Variants in UBN2 observed in about 807,000 individuals in gnomAD.
The protein encoded by UBN2 is ubinuclein 2.
UBN2 carries 35 observed loss-of-function variants against 120.2 expected under a neutral mutation model. The ratio of observed to expected loss-of-function variants is 0.29; its 90% confidence interval spans 0.22 to 0.39. UBN2 has a LOEUF of 0.39. Among genes scored for constraint, UBN2 ranks in the 10% least tolerant of loss-of-function variants. The probability of loss-of-function intolerance (pLI) is 1.00; values close to 1 mark genes in which losing one functional copy is unlikely to be tolerated. For synonymous variants in UBN2, 661 were observed against 648.7 expected (o/e 1.02, Z -0.29); for missense variants, 1,693 against 1,663.2 (o/e 1.02, Z -0.31).
At chr7:139,279,527 T>A (rs987319018) in intron 13 of UBN2, among the ~76,000 whole-genome samples, 167 bp downstream of exon 13, 4 of 152,254 alleles carry the variant, frequency 2.6e-5, no homozygotes, top group African/African-American at 9.6e-5. Context: ...GAGAATAGAT[T>A]CCTGTGTAGC....
intron 17 of UBN2, among the ~76,000 whole-genome samples, chr7:139,297,453 T>C (rs1237622714): frequency 2.0e-5 from 3 of 151,984 alleles, no homozygotes; most frequent in Non-Finnish European, 2.9e-5. Flanking sequence ...CCCTCGGAGG[T>C]AGGAATTGTG....
rs541522835 is a variant in UBN2, at chr7:139,285,229, G to A, written c.3669+655G>A. On this transcript the variant is annotated intron_variant, in intron 15 of 17. Transcript: ENST00000473989. ...AGCAATCTTTTCAAGAAGGGTAGCC[G>A]GGCATGGTGGCTCGTGTCTGTAATA... 7.9e-5 allele frequency among the ~76,000 whole-genome samples: 12 copies of A among 152,162 alleles called. No homozygotes were observed. In the South Asian group the frequency reaches 1.2e-3, roughly 16 times the overall value.
rs1389244173 is a variant in UBN2, at chr7:139,293,494, G to A, written c.3901+31G>A. ...TGGGGCTCTTCTATTTGGTTGGGCT[G>A]TCTAGCTTGACAGAACAGGAAACCT... is the stretch of plus-strand genomic sequence containing the variant. On this transcript the variant is annotated intron_variant, in intron 16 of 17. Transcript: ENST00000473989. 13 of 1,591,260 alleles carry A rather than the reference G, an allele frequency of 8.2e-6. No homozygotes were observed. In the Admixed American group the frequency reaches 1.3e-4, roughly 16 times the overall value.
chr7:139,313,849 ATT>A, the UBN2 span, among the ~76,000 whole-genome samples: 1,252 of 143,464 alleles, frequency 8.7e-3, 21 homozygotes, highest in African/African-American at 0.03. Context: ...CAATGACAGA[ATT>A]TTTTTTTTTT....
the UBN2 span, among the ~76,000 whole-genome samples, chr7:139,316,228 A>G: frequency 6.6e-6 from 1 of 151,906 alleles, no homozygotes; most frequent in Admixed American, 6.6e-5. Context: ...GAATTTTTGT[A>G]ATAACTAATA....
intron 5 of UBN2, among the ~76,000 whole-genome samples, chr7:139,260,185 A>G (rs1796887906): frequency 6.6e-6 from 1 of 151,858 alleles, no homozygotes; most frequent in African/African-American, 2.4e-5. Context: ...TGCAGCCTCA[A>G]CCTCCTGGGA....
chr7:139,282,025 T>G lies in UBN2; in HGVS notation c.2088T>G (p.Leu696=). 6.2e-7 allele frequency: 1 copy of G among 1,613,430 alleles called. No homozygotes were observed. Among genetic ancestry groups the G allele is most frequent in the Non-Finnish European group, 8.5e-7 (1 of 1,179,538 alleles). The change falls in exon 14 of 18, where the codon CTT becomes CTG. Residue 696 remains leucine, a synonymous_variant. Coordinates refer to ENST00000473989, the MANE Select transcript of UBN2 (RefSeq NM_173569.4). ...CTTAGGAGGTGATGGTAAAGACCCT[T>G]CCTCTCCATTCTTTCCCCACTATGC... The part of the protein sequence containing the change: ...PKVKEVMVKT[L]PLHSFPTMLK...
chr7:139,272,494 TTATGTATGTATGTATGTATG>T lies in UBN2; in HGVS notation c.1715+82_1715+101del, dbSNP rs142378700. 1.3e-3 allele frequency: 1,447 copies of T among 1,105,072 alleles called. 11 individuals are homozygous for T. Among genetic ancestry groups the T allele is most frequent in the South Asian group, 5.4e-3 (353 of 65,568 alleles). 68.5% of individuals were successfully genotyped at this position (1,105,072 alleles called of 1,614,324 possible). On this transcript the variant is annotated intron_variant, in intron 9 of 17. Transcript: ENST00000473989. ...TTTGCATTTGAGAAGTGTATGTACG[TTATGTATGTATGTATGTATG>T]TATGTATGTATGTATGTATGTATGT...
intron 3 of UBN2, among the ~76,000 whole-genome samples, chr7:139,257,692 A>G (rs1184630587): frequency 6.6e-6 from 1 of 152,080 alleles, no homozygotes; most frequent in South Asian, 2.1e-4. Context: ...CTGAGATTAT[A>G]GGCGTGAGCC....
In UBN2 at chr7:139,239,280, C is replaced by CT. The variant is rs1418849688; in HGVS notation, c.561+2191dup. 4.0e-5 allele frequency among the ~76,000 whole-genome samples: 6 copies of CT among 151,858 alleles called. No homozygotes were observed. The East Asian group carries it at 5.8e-4, about 15-fold the overall frequency. On this transcript the variant is annotated intron_variant, in intron 2 of 17. Coordinates refer to ENST00000473989, the MANE Select transcript of UBN2 (RefSeq NM_173569.4). ...TATCAGGACAAAGTGCTTTCTCTCC[C>CT]TTTTTTTTAAGGCTGCATGCTGTTT...
intron 1 of UBN2, among the ~76,000 whole-genome samples, chr7:139,232,933 A>C (rs759951406): frequency 9.9e-5 from 15 of 152,178 alleles, no homozygotes; most frequent in Non-Finnish European, 1.9e-4. Flanking sequence ...AAAGGAAATG[A>C]TAGATTAACA....
chr7:139,271,360 G>A (rs1235466916), intron 8 of UBN2, among the ~76,000 whole-genome samples: 1 of 152,104 alleles, frequency 6.6e-6, no homozygotes, highest in East Asian at 1.9e-4. Context: ...GCCGAGGCAG[G>A]CAGATCACTT....
the UBN2 span, among the ~76,000 whole-genome samples, chr7:139,318,042 G>T: frequency 6.6e-6 from 1 of 152,118 alleles, no homozygotes; most frequent in Non-Finnish European, 1.5e-5. Context: ...CTGTGCCACT[G>T]CTTGTTCCTC....
rs746499200 is a variant in UBN2, at chr7:139,231,840, C to T, written c.356C>T (p.Pro119Leu). ...PRESASRAEQ[P>L]PRPPRETVRL... ...GAGTCGGCTTCCCGGGCTGAGCAGC[C>T]GCCGCGGCCGCCGAGGGAGACGGTG... The change falls in exon 1 of 18, where the codon CCG (proline) becomes CTG (leucine). Residue 119 changes from proline to leucine, a missense_variant. Coordinates refer to ENST00000473989, the MANE Select transcript of UBN2 (RefSeq NM_173569.4). 3.3e-6 allele frequency: 5 copies of T among 1,534,978 alleles called. No homozygotes were observed. The highest frequency in any genetic ancestry group is 1.4e-5 in the African/African-American group (1 of 70,032).
intron 2 of UBN2, among the ~76,000 whole-genome samples, chr7:139,250,964 C>T (rs988113995): frequency 2.6e-5 from 4 of 151,802 alleles, no homozygotes; most frequent in Non-Finnish European, 5.9e-5. Context: ...AAAAATTAGC[C>T]GGGCTTTGAG....
chr7:139,249,930 G>T (rs1200041011), intron 2 of UBN2, among the ~76,000 whole-genome samples: 1 of 151,914 alleles, frequency 6.6e-6, no homozygotes, highest in Non-Finnish European at 1.5e-5. Flanking sequence ...CAAACTCCTG[G>T]GCTCTCGCAA....
At chr7:139,312,626 T>C (rs1450017224), downstream of UBN2, among the ~76,000 whole-genome samples, 2 of 152,246 alleles carry the variant, frequency 1.3e-5, no homozygotes, top group African/African-American at 4.8e-5. Flanking sequence ...CTTTTAACTT[T>C]GTCTGTGACA....
intron 15 of UBN2, among the ~76,000 whole-genome samples, chr7:139,292,487 A>G (rs1797989874): frequency 6.6e-6 from 1 of 152,206 alleles, no homozygotes; most frequent in South Asian, 2.1e-4. Context: ...GTGTAATTTC[A>G]GAAAAGTAAT....
In UBN2 at chr7:139,307,786, G is replaced by C. The variant is rs1344688526; in HGVS notation, c.*9950G>C. On this transcript the variant is annotated 3_prime_UTR_variant, in exon 18 of 18. Coordinates refer to ENST00000473989, the MANE Select transcript of UBN2 (RefSeq NM_173569.4). ...TTCTACGTGCCCTTTGAACTTTAATGGTAAAACATTTCACACTTTGGATGG... is the reference window on the plus strand; with the variant it reads ...TTCTACGTGCCCTTTGAACTTTAATCGTAAAACATTTCACACTTTGGATGG... The C allele has an allele frequency of 6.6e-6, 1 of 152,016 alleles. No homozygotes were observed. The highest frequency in any genetic ancestry group is 1.5e-5 in the Non-Finnish European group (1 of 68,010). The allele number at this position is 152,016 out of a possible 1,614,324, so 9.4% of individuals were successfully genotyped here.
Sources: allele counts gnomAD v4.1 joint callset (sites outside exome capture counted in the v4.1 genomes callset), GRCh38; gene constraint gnomAD v4.1.1; transcripts MANE v1.5; gene names NCBI Gene and HGNC (gene_info 2026-07-23, HGNC 2026-07-21).